SUPT3H: variants seen among roughly 807,000 people sequenced by gnomAD.
SUPT3H encodes the protein transcription initiation protein SPT3 homolog.
SUPT3H carries 44 observed loss-of-function variants against 44.3 expected under a neutral mutation model. That is an observed-to-expected ratio of 0.99 (90% CI 0.78 to 1.28). SUPT3H has a LOEUF of 1.28. Ranked by LOEUF, SUPT3H falls within the 50% of genes most tolerant of loss-of-function variation. The pLI is 0.00. For missense variants in SUPT3H, 380 were observed against 387.1 expected (o/e 0.98, Z 0.15); for synonymous variants, 124 against 125.6 (o/e 0.99, Z 0.09).
intron 2 of SUPT3H, among the ~76,000 whole-genome samples, chr6:45,138,158 T>C (rs1804616531): frequency 6.6e-6 from 1 of 152,106 alleles, no homozygotes; most frequent in African/African-American, 2.4e-5. Context: ...CAATGAGATA[T>C]ATTTCATACC....
chr6:45,000,975 T>C (rs1008685899), intron 6 of SUPT3H, among the ~76,000 whole-genome samples: 6 of 152,098 alleles, frequency 3.9e-5, no homozygotes, highest in African/African-American at 1.2e-4. Context: ...TTGACAAACT[T>C]GAGCTTCTCA....
intron 6 of SUPT3H, among the ~76,000 whole-genome samples, chr6:45,001,695 G>C (rs1241319076): frequency 6.6e-6 from 1 of 152,034 alleles, no homozygotes; most frequent in Non-Finnish European, 1.5e-5. Context: ...TGCTAGGGGA[G>C]AAGGTAGTAA....
chr6:45,018,190 T>A (rs999381911), intron 4 of SUPT3H, among the ~76,000 whole-genome samples: 1 of 152,140 alleles, frequency 6.6e-6, no homozygotes, highest in East Asian at 1.9e-4. Flanking sequence ...TTTTGTACAT[T>A]GATTTTGTAT....
intron 3 of SUPT3H, among the ~76,000 whole-genome samples, chr6:45,050,515 G>A (rs867074760): frequency 5.3e-5 from 8 of 152,128 alleles, no homozygotes; most frequent in Middle Eastern, 3.4e-3. Context: ...CAGGGAAAGA[G>A]AGGGAGGCAC....
At chr6:45,053,740 C>CAAAAA (rs57736879) in intron 3 of SUPT3H, among the ~76,000 whole-genome samples, 3 of 59,444 alleles carry the variant, frequency 5.0e-5, no homozygotes, top group Admixed American at 2.2e-4. Context: ...ACTAAAAATA[C>CAAAAA]AAAAAAAAAA....
chr6:45,120,416 CT>C (rs375947488), intron 2 of SUPT3H, among the ~76,000 whole-genome samples: 1 of 11,642 alleles, frequency 8.6e-5, no homozygotes. Context: ...GAGACCTTGT[CT>C]AAAAAAAAAA....
chr6:45,209,571 C>G (rs114037625), intron 2 of SUPT3H, among the ~76,000 whole-genome samples: 1 of 152,166 alleles, frequency 6.6e-6, no homozygotes, highest in African/African-American at 2.4e-5. Flanking sequence ...CATGATCAAA[C>G]TTGAAGCAAT....
At chr6:45,148,644 T>C (rs2068043908) in intron 2 of SUPT3H, among the ~76,000 whole-genome samples, 3 of 152,302 alleles carry the variant, frequency 2.0e-5, no homozygotes, top group Admixed American at 2.0e-4. Flanking sequence ...TGACTTCAGA[T>C]AATCCTCTTT....
chr6:45,339,513 C>T (rs1390700586), intron 2 of SUPT3H, among the ~76,000 whole-genome samples: 2 of 152,028 alleles, frequency 1.3e-5, no homozygotes, highest in Non-Finnish European at 2.9e-5. Flanking sequence ...CCTTCCTTTT[C>T]TTCCAATAGA....
intron 9 of SUPT3H, among the ~76,000 whole-genome samples, chr6:44,948,075 G>C (rs1390290428): frequency 6.6e-6 from 1 of 152,070 alleles, no homozygotes; most frequent in African/African-American, 2.4e-5. Context: ...CCCATTTCTT[G>C]TTTTTGCCAG....
chr6:45,090,767 T>C (rs1286247901), intron 3 of SUPT3H, among the ~76,000 whole-genome samples: 1 of 151,930 alleles, frequency 6.6e-6, no homozygotes, highest in Non-Finnish European at 1.5e-5. Context: ...AGCTGAGACT[T>C]TTATGATGGG....
intron 2 of SUPT3H, among the ~76,000 whole-genome samples, chr6:45,118,524 T>C (rs1801153340): frequency 3.9e-5 from 6 of 152,260 alleles, no homozygotes; most frequent in Admixed American, 1.3e-4. Context: ...CCCTTATTTC[T>C]AGCCATGCAC....
At chr6:45,177,916 G>A (rs1427419754) in intron 2 of SUPT3H, among the ~76,000 whole-genome samples, 1 of 152,008 alleles carries the variant, frequency 6.6e-6, no homozygotes, top group African/African-American at 2.4e-5. Flanking sequence ...GCTCCTGAAG[G>A]AAGCGCTAAA....
intron 9 of SUPT3H, among the ~76,000 whole-genome samples, chr6:44,936,918 C>T (rs542498927): frequency 8.5e-5 from 13 of 152,144 alleles, no homozygotes; most frequent in African/African-American, 1.7e-4. Flanking sequence ...CCACCTGCCT[C>T]GGCCTCCCAA....
intron 2 of SUPT3H, among the ~76,000 whole-genome samples, chr6:45,316,396 A>G (rs1242433125): frequency 1.1e-5 from 1 of 94,958 alleles, no homozygotes; most frequent in Non-Finnish European, 2.1e-5. Flanking sequence ...TGTAAATACT[A>G]AATAACTCCT....
intron 2 of SUPT3H, among the ~76,000 whole-genome samples, chr6:45,212,993 C>T (rs1764385588): frequency 6.6e-6 from 1 of 152,122 alleles, no homozygotes; most frequent in Admixed American, 6.5e-5. Context: ...GAAAGGAAGC[C>T]GATTTTGAAT....
intron 2 of SUPT3H, among the ~76,000 whole-genome samples, chr6:45,159,961 C>A (rs1238098146): frequency 6.6e-6 from 1 of 151,996 alleles, no homozygotes; most frequent in Non-Finnish European, 1.5e-5. Context: ...AAAATTAATG[C>A]GAGTTATAAA....
chr6:44,861,543 C>T (rs978229616), intron 10 of SUPT3H, among the ~76,000 whole-genome samples: 4 of 152,158 alleles, frequency 2.6e-5, no homozygotes, highest in East Asian at 1.9e-4. Flanking sequence ...TCTGCCATCA[C>T]GCCCAGCTAA....
chr6:45,226,643 A>C (rs1244617074), intron 2 of SUPT3H, among the ~76,000 whole-genome samples: 11 of 152,062 alleles, frequency 7.2e-5, no homozygotes, highest in Admixed American at 4.6e-4. Flanking sequence ...GGGTTCAAGC[A>C]ATTCTCCTGC....
Sources: gnomAD v4.1 joint callset for allele counts (sites outside exome capture counted in the v4.1 genomes callset) on GRCh38, gnomAD v4.1.1 for gene constraint, MANE v1.5 for transcripts, NCBI Gene and HGNC (gene_info 2026-07-23, HGNC 2026-07-21) for gene names.